The following FOXJ3 variants were observed in gnomAD, a reference collection of about 807,000 sequenced individuals.
FOXJ3 encodes the protein forkhead box J3.
Under a neutral mutation model 76.1 loss-of-function variants are expected in FOXJ3, and 22 were observed. The ratio of observed to expected loss-of-function variants is 0.29; its 90% CI spans 0.21 to 0.41. FOXJ3 has a LOEUF of 0.41. FOXJ3 is among the 10% of genes least tolerant of loss of function. The probability of loss-of-function intolerance (pLI) is 1.00; values close to 1 mark genes in which losing one functional copy is unlikely to be tolerated. For synonymous variants in FOXJ3, 269 were observed against 261.2 expected (o/e 1.03, Z -0.29); for missense variants, 613 against 762.1 (o/e 0.80, Z 2.30).
At chr1:42,225,487 T>C (rs1478074146) in intron 5 of FOXJ3, among the ~76,000 whole-genome samples, 1 of 152,196 alleles carries the variant, frequency 6.6e-6, no homozygotes, top group Non-Finnish European at 1.5e-5. Flanking sequence ...TTATGTTCCA[T>C]AAGAACACTA....
chr1:42,213,680 T>A (rs1432823827), intron 5 of FOXJ3, among the ~76,000 whole-genome samples: 2 of 152,162 alleles, frequency 1.3e-5, no homozygotes. Context: ...TAGGGGGTAT[T>A]ATGCTAAGTG....
intron 7 of FOXJ3, among the ~76,000 whole-genome samples, chr1:42,197,867 G>A (rs906024569): frequency 3.3e-5 from 5 of 151,956 alleles, no homozygotes; most frequent in African/African-American, 7.3e-5. Flanking sequence ...CAAACTCCTG[G>A]CCTCAAGCAA....
rs527952439 is a variant in FOXJ3 at position 42,303,282 on chromosome 1, A to G, written c.44+7768T>C. On this transcript the variant is annotated intron_variant, in intron 2 of 12. Transcript: ENST00000361346. Reference sequence around the variant, plus strand: ...TTTACCTCAGTTTCCTCACTTGTGAAGTAAGGATAATAATGGTACTGACCT... The same window carrying G: ...TTTACCTCAGTTTCCTCACTTGTGAGGTAAGGATAATAATGGTACTGACCT... Among the ~76,000 whole-genome samples the G allele has an allele frequency of 3.9e-5, 6 of 152,314 alleles. No homozygotes were observed. The East Asian group carries it at 7.7e-4, about 20-fold the overall frequency.
chr1:42,242,268 C>T (rs1401444229), intron 4 of FOXJ3, among the ~76,000 whole-genome samples: 1 of 150,134 alleles, frequency 6.7e-6, no homozygotes, highest in Non-Finnish European at 1.5e-5. Context: ...CCAATGAAAA[C>T]GAAACTTATT....
chr1:42,280,439 A>AAAT lies in FOXJ3; in HGVS notation c.45-1768_45-1767insATT, dbSNP rs1491096170. The AAAT allele has an allele frequency of 8.1e-6, 5 of 619,448 alleles. No individual in the cohort carries two copies. In the African/African-American group the frequency reaches 2.5e-4, roughly 31 times the overall value. 38.4% of individuals were successfully genotyped at this position (619,448 alleles called of 1,614,324 possible). ...TCCATATAGCATCTTCAGAGATCTTAAAAAAAAAAAAAAAAAAAAAAAAAA... is the reference window on the plus strand; with the variant it reads ...TCCATATAGCATCTTCAGAGATCTTAAATAAAAAAAAAAAAAAAAAAAAAAAAA... On this transcript the variant is annotated intron_variant, in intron 2 of 12. Coordinates refer to ENST00000361346, the MANE Select transcript of FOXJ3 (RefSeq NM_014947.5).
intron 8 of FOXJ3, 56 bp from the exon 9 acceptor site, chr1:42,191,775 C>T (rs1385361267): frequency 2.1e-5 from 33 of 1,562,768 alleles, no homozygotes; most frequent in Non-Finnish European, 2.8e-5. Context: ...TTATGACAAA[C>T]ATTTGTAAAA....
At chr1:42,221,321 T>C (rs1227497981) in intron 5 of FOXJ3, among the ~76,000 whole-genome samples, 4 of 152,112 alleles carry the variant, frequency 2.6e-5, no homozygotes. Flanking sequence ...AAGCAAAGAA[T>C]AACATTAGAA....
rs570743061 is a variant in FOXJ3, at chr1:42,255,215, G to A, written c.444+9900C>T. ...ATAAACGAAATTATACTGTTGTAAC[G>A]TTAATACATTTTTAAATGGATGGCA... On this transcript the variant is annotated intron_variant, in intron 4 of 12. Coordinates refer to ENST00000361346, the MANE Select transcript of FOXJ3 (RefSeq NM_014947.5). 3.9e-5 allele frequency among the ~76,000 whole-genome samples: 6 copies of A among 152,258 alleles called. No homozygotes were observed. The South Asian group carries it at 8.3e-4, about 21-fold the overall frequency.
intron 10 of FOXJ3, 115 bp from the exon 11 acceptor site, chr1:42,189,043 G>A: frequency 1.5e-6 from 1 of 660,458 alleles, no homozygotes; most frequent in East Asian, 2.8e-5. Flanking sequence ...CCACTTTATG[G>A]TAGTGATTTA....
chr1:42,178,055 A>T lies in FOXJ3; in HGVS notation c.*1655T>A, dbSNP rs1233916668. The T allele has an allele frequency of 1.5e-4, 23 of 152,608 alleles. No homozygotes were observed. Among genetic ancestry groups the T allele is most frequent in the Admixed American group, 1.5e-3 (23 of 15,278 alleles). The allele number at this position is 152,608 out of a possible 1,614,324, so 9.5% of individuals were successfully genotyped here. On this transcript the variant is annotated 3_prime_UTR_variant, in exon 13 of 13. Coordinates refer to ENST00000361346, the MANE Select transcript of FOXJ3 (RefSeq NM_014947.5). ...CCCTCATTTCTTCTAGTTTTATCATAAAACTAAGATAATCAGTCCATGCAA... is the reference window on the plus strand; with the variant it reads ...CCCTCATTTCTTCTAGTTTTATCATTAAACTAAGATAATCAGTCCATGCAA...
At position 42,201,343 on chromosome 1, in the gene FOXJ3, T is replaced by C. The variant is rs1039550909; in HGVS notation, c.631-2113A>G. 4.6e-5 allele frequency among the ~76,000 whole-genome samples: 7 copies of C among 152,346 alleles called. No individual in the cohort carries two copies. The South Asian group carries it at 6.2e-4, about 14-fold the overall frequency. Reference sequence around the variant, plus strand: ...TACCTCAAAGAGAAAGTTTTCAGTATTTCACCATTTAATATAGCATTTGCT... The same window carrying C: ...TACCTCAAAGAGAAAGTTTTCAGTACTTCACCATTTAATATAGCATTTGCT... On this transcript the variant is annotated intron_variant, in intron 6 of 12. Transcript: ENST00000361346.
chr1:42,327,139 T>TC (rs1570267453), intron 1 of FOXJ3, among the ~76,000 whole-genome samples: 2 of 152,106 alleles, frequency 1.3e-5, no homozygotes, highest in African/African-American at 4.8e-5. Context: ...AAAATACACA[T>TC]CCCCTACAAT....
chr1:42,296,673 T>C (rs981509744), intron 2 of FOXJ3, among the ~76,000 whole-genome samples: 4 of 152,252 alleles, frequency 2.6e-5, no homozygotes, highest in Non-Finnish European at 5.9e-5. Context: ...TCTATGCATA[T>C]TTTTGTACCA....
intron 2 of FOXJ3, among the ~76,000 whole-genome samples, chr1:42,295,542 T>G (rs1186580645): frequency 1.4e-5 from 2 of 147,712 alleles, no homozygotes; most frequent in Non-Finnish European, 3.0e-5. Context: ...TTTTTTTTTT[T>G]TGGTGAGACA....
intron 2 of FOXJ3, among the ~76,000 whole-genome samples, chr1:42,302,419 A>T (rs1185016343): frequency 2.6e-5 from 4 of 152,258 alleles, no homozygotes; most frequent in African/African-American, 7.2e-5. Flanking sequence ...CCAGCCCTGG[A>T]GCAGGAGACC....
intron 4 of FOXJ3, among the ~76,000 whole-genome samples, chr1:42,254,115 A>G (rs1650361706): frequency 6.6e-6 from 1 of 152,290 alleles, no homozygotes; most frequent in African/African-American, 2.4e-5. Context: ...ACAAATTTAC[A>G]AGAAAAAAAA....
Position 42,188,936 on chromosome 1 carries a change from G to T in FOXJ3, c.1454-8C>A. 1 of 1,557,116 alleles carries T rather than the reference G, an allele frequency of 6.4e-7. No individual in the cohort carries two copies. The highest frequency in any genetic ancestry group is 1.2e-5 in the South Asian group (1 of 85,354). On this transcript the variant is annotated splice_polypyrimidine_tract_variant and splice_region_variant and intron_variant, in intron 10 of 12. Transcript: ENST00000361346. The stretch of plus-strand genomic sequence containing the variant: ...TCATACTCTCCATCAGACCTATGAG[G>T]AAAGCATTAAAAATATGTTAGCACT...
At chr1:42,248,244 G>T (rs535783666) in intron 4 of FOXJ3, among the ~76,000 whole-genome samples, 1 of 152,176 alleles carries the variant, frequency 6.6e-6, no homozygotes, top group South Asian at 2.1e-4. Context: ...ACTTTTAAAA[G>T]ACAACATTGG....
In FOXJ3 at chr1:42,178,105, C is replaced by A. The variant is rs548618235; in HGVS notation, c.*1605G>T. On this transcript the variant is annotated 3_prime_UTR_variant, in exon 13 of 13. Transcript: ENST00000361346. ...AACTGTGATATGATATGAAACAAAA[C>A]AAACCACCACCACTAAAAAACCCGT... The A allele has an allele frequency of 6.6e-6, 1 of 152,300 alleles. No individual in the cohort carries two copies. Among genetic ancestry groups the A allele is most frequent in the African/African-American group, 2.4e-5 (1 of 41,396 alleles). 9.4% of individuals were successfully genotyped at this position (152,300 alleles called of 1,614,324 possible).
Sources: gnomAD v4.1 joint callset for allele counts (sites outside exome capture counted in the v4.1 genomes callset) on GRCh38, gnomAD v4.1.1 for gene constraint, MANE v1.5 for transcripts, NCBI Gene and HGNC (gene_info 2026-07-23, HGNC 2026-07-21) for gene names.